ABCA7: variants seen among roughly 807,000 people sequenced by gnomAD.
The protein encoded by ABCA7 is ATP binding cassette subfamily A member 7.
Under a neutral mutation model 227.6 loss-of-function variants are expected in ABCA7, and 261 were observed. The ratio of observed to expected loss-of-function variants is 1.15; its 90% CI spans 1.04 to 1.27. ABCA7 has a LOEUF of 1.27. Among genes scored for constraint, ABCA7 ranks in the 50% most tolerant of loss-of-function variants. The pLI, the probability that ABCA7 is intolerant of heterozygous loss-of-function variation, is 0.00. For synonymous variants in ABCA7, 1,488 were observed against 1,279.7 expected, an observed-to-expected ratio of 1.16 and a Z score of -3.47; for missense variants, 3,331 against 2,924.5, an observed-to-expected ratio of 1.14 and a Z score of -3.21.
rs376845552 is a variant in ABCA7, at chr19:1,063,581, G to A, written c.5750G>A (p.Trp1917Ter). The change falls in exon 43 of 47, where the codon TGG becomes TAG. Residue 1917 changes from tryptophan to a stop codon, truncating the protein, a stop_gained. Coordinates refer to ENST00000263094, the MANE Select transcript of ABCA7 (RefSeq NM_019112.4). LOFTEE classifies it high-confidence loss of function. ...GSGLARLGLS[W>*]YADRPAGTYS... ...GGCCTGGCGCGTCTGGGACTCTCAT[G>A]GTACGCAGACCGGCCTGCAGGCACC... 2 of 1,611,036 alleles carry A rather than the reference G, an allele frequency of 1.2e-6. No homozygotes were observed. Among genetic ancestry groups the A allele is most frequent in the Non-Finnish European group, 1.7e-6 (2 of 1,179,930 alleles).
In ABCA7 at chr19:1,043,138, G is replaced by A; in HGVS notation, c.677G>A (p.Ser226Asn). ...PLELLSEALC[S>N]VRGPSSTVGP... ...GAGTTGCTGTCAGAGGCCCTCTGCA[G>A]TGTCAGGGGACCTAGCAGCACAGTG... Residue 226 changes from serine to asparagine, a missense_variant, in exon 8 of 47, where the codon AGT becomes AAT. Ser to Asn is a conservative substitution (Grantham distance 46, BLOSUM62 1). Transcript: ENST00000263094. 1 of 1,612,574 alleles carries A rather than the reference G, an allele frequency of 6.2e-7. No homozygotes were observed. Among genetic ancestry groups the A allele is most frequent in the Non-Finnish European group, 8.5e-7 (1 of 1,179,646 alleles).
intron 19 of ABCA7, 32 bp downstream of exon 19, chr19:1,051,084 G>A (rs1440739226): frequency 1.9e-6 from 3 of 1,611,214 alleles, no homozygotes; most frequent in East Asian, 2.2e-5. Flanking sequence ...GTGCAGCGGT[G>A]GGAAGGGACT....
rs1359874052 is a variant in ABCA7 at position 1,044,580 on chromosome 19, C to T, written c.1051C>T (p.Leu351Phe). 2 of 1,611,162 alleles carry T rather than the reference C, an allele frequency of 1.2e-6. No individual in the cohort carries two copies. The highest frequency in any genetic ancestry group is 2.2e-5 in the East Asian group (1 of 44,838). Reference protein sequence around the residue: ...DSSNVAMLQRLLQMQDEGRRQ... With the variant: ...DSSNVAMLQRFLQMQDEGRRQ... ...CACTTTCACCTGCGCCCCCCAGCGGCTCCTGCAGATGCAGGATGAAGGAAG... is the reference window on the plus strand; with the variant it reads ...CACTTTCACCTGCGCCCCCCAGCGGTTCCTGCAGATGCAGGATGAAGGAAG... Residue 351 changes from leucine (L) to phenylalanine (F), a missense_variant, in exon 11 of 47, where the codon CTC becomes TTC. Transcript: ENST00000263094.
chr19:1,046,474 G>A (rs1366299557), intron 13 of ABCA7, 68 bp downstream of exon 13: 15 of 1,504,010 alleles, frequency 1.0e-5, no homozygotes, highest in South Asian at 2.6e-5. Flanking sequence ...GGTGGGCCCA[G>A]GCTCTGTTGG....
chr19:1,065,223 C>T (rs2042971037), intron 46 of ABCA7, 47 bp from the exon 47 acceptor site: 1 of 1,606,726 alleles, frequency 6.2e-7, no homozygotes, highest in Non-Finnish European at 8.5e-7. Context: ...GGGCCAGGCC[C>T]GTGGGCTGAC....
intron 3 of ABCA7, 21 bp from the exon 4 acceptor site, chr19:1,041,810 G>T: frequency 1.2e-6 from 2 of 1,600,414 alleles, no homozygotes; most frequent in Non-Finnish European, 1.7e-6. Flanking sequence ...CAGGGCCTCA[G>T]CACCAGGCGT....
rs1278872230 is a variant in ABCA7 at position 1,046,788 on chromosome 19, C to T, written c.1623-14C>T. 1.3e-6 allele frequency: 2 copies of T among 1,534,688 alleles called. No individual in the cohort carries two copies. The highest frequency in any genetic ancestry group is 2.4e-5 in the East Asian group (1 of 40,970). On this transcript the variant is annotated splice_polypyrimidine_tract_variant and intron_variant, in intron 13 of 46. Transcript: ENST00000263094. Reference sequence around the variant, plus strand: ...GAGGGTCTCCAGCCTCCACCCCAGCCGTCCCCACCCCAGGTTCCTGCGTGT... The same window carrying T: ...GAGGGTCTCCAGCCTCCACCCCAGCTGTCCCCACCCCAGGTTCCTGCGTGT...
chr19:1,050,143 G>A (rs955700628), intron 18 of ABCA7, among the ~76,000 whole-genome samples: 1 of 151,370 alleles, frequency 6.6e-6, no homozygotes, highest in African/African-American at 2.4e-5. Flanking sequence ...GGGAGTGGTG[G>A]CTCACGCCTG....
In ABCA7 at chr19:1,046,891, G is replaced by A. The variant is rs757604052; in HGVS notation, c.1712G>A (p.Arg571Gln). ...SVTLTVKAVV[R>Q]EKETRLRDTM... ...ACACTGACAGTGAAGGCCGTGGTGC[G>A]GGAGAAGGAGACGCGGCTGCGGGAC... is the stretch of plus-strand genomic sequence containing the variant. Residue 571 changes from arginine to glutamine, a missense_variant, in exon 14 of 47, where the codon CGG becomes CAG. Coordinates refer to ENST00000263094, the MANE Select transcript of ABCA7 (RefSeq NM_019112.4). 1.5e-5 allele frequency: 24 copies of A among 1,551,758 alleles called. No homozygotes were observed. The highest frequency in any genetic ancestry group is 7.1e-5 in the East Asian group (3 of 42,040).
In ABCA7 at chr19:1,056,019, GCC is replaced by G. The variant is rs3833881; in HGVS notation, c.4239-41_4239-40del. On this transcript the variant is annotated intron_variant, in intron 31 of 46. Coordinates refer to ENST00000263094, the MANE Select transcript of ABCA7 (RefSeq NM_019112.4). The surrounding 1 kb of genome is among the most constrained non-coding windows in gnomAD (Gnocchi z 4.3). ...TGCCTGCCCCCTGGGAGCTCTCCCG[GCC>G]CCCCCGGCCCTCAGCTCCCCTTCCC... The G allele has an allele frequency of 3.9e-6, 6 of 1,552,230 alleles. No homozygotes were observed. The highest frequency in any genetic ancestry group is 2.3e-5 in the East Asian group (1 of 44,096).
intron 12 of ABCA7, 105 bp downstream of exon 12, chr19:1,045,336 A>C (rs139890952): frequency 0.014 from 16,459 of 1,152,858 alleles, 170 homozygotes; most frequent in Middle Eastern, 0.04. Flanking sequence ...GATAGACAGG[A>C]TCTGGGCTGT....
intron 21 of ABCA7, 120 bp downstream of exon 21, chr19:1,051,706 G>A: frequency 9.2e-7 from 1 of 1,086,732 alleles, no homozygotes; most frequent in Non-Finnish European, 1.3e-6. Flanking sequence ...TGTTGCTATG[G>A]CATTTAGGGG....
intron 45 of ABCA7, 108 bp downstream of exon 45, chr19:1,064,361 G>A: frequency 8.1e-7 from 1 of 1,234,160 alleles, no homozygotes; most frequent in South Asian, 1.5e-5. Flanking sequence ...GGCTCCAACT[G>A]GAGAGATGGC....
chr19:1,059,879 C>A (rs940370601), intron 40 of ABCA7, among the ~76,000 whole-genome samples: 3 of 152,164 alleles, frequency 2.0e-5, no homozygotes, highest in Admixed American at 6.5e-5. Flanking sequence ...TTATCTTGAG[C>A]CAACAAAACC....
rs761209649 is a variant in ABCA7 at position 1,055,082 on chromosome 19, G to GC, written c.3951-12dup. 1 of 1,607,758 alleles carries GC rather than the reference G, an allele frequency of 6.2e-7. No homozygotes were observed. Among genetic ancestry groups the GC allele is most frequent in the Non-Finnish European group, 8.5e-7 (1 of 1,176,152 alleles). The stretch of plus-strand genomic sequence containing the variant: ...CCTGCAGCGCCCTTGAGTGTGCACA[G>GC]CCCATTGTCTGCAGGTTCTCGGCAC... On this transcript the variant is annotated splice_polypyrimidine_tract_variant and intron_variant, in intron 29 of 46. Transcript: ENST00000263094.
Position 1,056,021 on chromosome 19 carries a change from C to T in ABCA7, c.4239-45C>T, listed in dbSNP as rs542417372. ...CCTGCCCCCTGGGAGCTCTCCCGGC[C>T]CCCCCGGCCCTCAGCTCCCCTTCCC... On this transcript the variant is annotated intron_variant, in intron 31 of 46. Transcript: ENST00000263094. The surrounding 1 kb of genome is among the most constrained non-coding windows in gnomAD (Gnocchi z 4.3). 65 of 1,437,772 alleles carry T rather than the reference C, an allele frequency of 4.5e-5. No homozygotes were observed. In the African/African-American group the frequency reaches 1.3e-3, roughly 28 times the overall value. 89.1% of individuals were successfully genotyped at this position (1,437,772 alleles called of 1,614,324 possible).
chr19:1,062,457 A>T, intron 42 of ABCA7, 144 bp downstream of exon 42: 1 of 1,292,440 alleles, frequency 7.7e-7, no homozygotes, highest in Admixed American at 2.4e-5. Context: ...CTTCCCCTAT[A>T]CCTCTGTCCC....
rs769530201 is a variant in ABCA7, at chr19:1,062,293, C to T, written c.5692C>T (p.Pro1898Ser). ...LELLARLRGVPEAQVAQTAGS... is the reference protein window; with the variant it reads ...LELLARLRGVSEAQVAQTAGS... ...GCTGCTTGCGCGCCTGCGCGGTGTC[C>T]CGGAGGCCCAGGTTGCCCAGGTGAG... Residue 1898 changes from proline to serine, a missense_variant, in exon 42 of 47, where the codon CCG becomes TCG. Transcript: ENST00000263094. The T allele has an allele frequency of 6.2e-7, 1 of 1,606,886 alleles. No homozygotes were observed. The highest frequency in any genetic ancestry group is 2.2e-5 in the East Asian group (1 of 44,860).
At chr19:1,042,978 C>T in intron 7 of ABCA7, 63 bp from the exon 8 acceptor site, 2 of 1,542,134 alleles carry the variant, frequency 1.3e-6, no homozygotes, top group Non-Finnish European at 1.8e-6. Flanking sequence ...GGCCCAGTGC[C>T]CTGCCCTGGT....
Sources: gnomAD v4.1 joint callset for allele counts (sites outside exome capture counted in the v4.1 genomes callset) on GRCh38, gnomAD v4.1.1 for gene constraint, Gnocchi (gnomAD v3.1) non-coding constraint, MANE v1.5 for transcripts, NCBI Gene and HGNC (gene_info 2026-07-23, HGNC 2026-07-21) for gene names.